The following SEMA3E variants were observed in gnomAD, a reference collection of about 807,000 sequenced individuals.
SEMA3E encodes the protein semaphorin 3E.
SEMA3E carries 49 observed loss-of-function variants against 93.6 expected under a neutral mutation model. That is an observed-to-expected ratio of 0.52 (90% CI 0.42 to 0.66). The LOEUF is 0.66. SEMA3E is among the 30% of genes least tolerant of loss of function. SEMA3E has a pLI of 0.00. For synonymous variants in SEMA3E, 363 were observed against 330.7 expected, an observed-to-expected ratio of 1.10 and a Z score of -1.06; for missense variants, 906 against 964.8, an observed-to-expected ratio of 0.94 and a Z score of 0.81.
chr7:83,614,993 TAC>T (rs1793334435), intron 1 of SEMA3E, among the ~76,000 whole-genome samples: 1 of 152,128 alleles, frequency 6.6e-6, no homozygotes, highest in African/African-American at 2.4e-5. Flanking sequence ...GTGTTATTAA[TAC>T]ACACTCACTG....
At chr7:83,454,131 T>G (rs1006381426) in intron 4 of SEMA3E, among the ~76,000 whole-genome samples, 6 of 150,380 alleles carry the variant, frequency 4.0e-5, no homozygotes, top group South Asian at 2.1e-4. Flanking sequence ...GGTGGCGGGC[T>G]CTTGTAGTCC....
chr7:83,579,641 C>T (rs1348167410), intron 1 of SEMA3E, among the ~76,000 whole-genome samples: 1 of 152,022 alleles, frequency 6.6e-6, no homozygotes, highest in Non-Finnish European at 1.5e-5. Context: ...ATGGCTTGTA[C>T]CAGGTCCCAG....
chr7:83,546,514 C>G (rs139029927), intron 1 of SEMA3E, among the ~76,000 whole-genome samples: 4 of 151,748 alleles, frequency 2.6e-5, no homozygotes, highest in Non-Finnish European at 4.4e-5. Context: ...AAAACATAAC[C>G]AGCATTTCCT....
rs1162966240 is a variant in SEMA3E, at chr7:83,407,191, T to C, written c.719A>G (p.Asp240Gly). ...SYMIPDNEDR[D>G]DNKVYFFFTE... ...AAAAAAGAAATATACTTTGTTGTCA[T>C]CTCTGTCTTCATTGTCAGGAATCAT... The change falls in exon 7 of 17, where the codon GAT becomes GGT. Residue 240 changes from aspartate (D) to glycine (G), a missense_variant. By Grantham distance (94) the Asp-to-Gly change is moderately conservative. Transcript: ENST00000643230. The C allele has an allele frequency of 6.2e-7, 1 of 1,613,512 alleles. No individual in the cohort carries two copies. Among genetic ancestry groups the C allele is most frequent in the Non-Finnish European group, 8.5e-7 (1 of 1,179,764 alleles).
intron 5 of SEMA3E, 135 bp from the exon 6 acceptor site, chr7:83,408,622 G>A (rs1346306790): frequency 2.9e-6 from 3 of 1,029,004 alleles, no homozygotes; most frequent in Non-Finnish European, 4.3e-6. Context: ...GAGCATGGAT[G>A]GTATAGTAAG....
intron 1 of SEMA3E, among the ~76,000 whole-genome samples, chr7:83,522,934 A>G (rs143525981): frequency 6.6e-6 from 1 of 152,176 alleles, no homozygotes; most frequent in African/African-American, 2.4e-5. Flanking sequence ...GCCCCTAAGC[A>G]CAATTCTCAG....
chr7:83,607,203 A>C lies in SEMA3E; in HGVS notation c.115+41225T>G, dbSNP rs1354343119. 2.6e-5 allele frequency among the ~76,000 whole-genome samples: 4 copies of C among 152,228 alleles called. No individual in the cohort carries two copies. The East Asian group carries it at 7.7e-4, about 29-fold the overall frequency. On this transcript the variant is annotated intron_variant, in intron 1 of 16. Coordinates refer to ENST00000643230, the MANE Select transcript of SEMA3E (RefSeq NM_012431.3). ...CATAACTTTTAAAAAGTACAGATTCAACCAGTCAGTTATTGTGTCCACATG... is the reference window on the plus strand; with the variant it reads ...CATAACTTTTAAAAAGTACAGATTCCACCAGTCAGTTATTGTGTCCACATG...
At chr7:83,602,780 A>T (rs1793025513) in intron 1 of SEMA3E, among the ~76,000 whole-genome samples, 1 of 152,094 alleles carries the variant, frequency 6.6e-6, no homozygotes, top group Admixed American at 6.6e-5. Context: ...CCAGCCTAGA[A>T]GCACTCTTAA....
rs1278996107 is a variant in SEMA3E at position 83,494,715 on chromosome 7, A to C, written c.116-4441T>G. 2.6e-5 allele frequency among the ~76,000 whole-genome samples: 4 copies of C among 151,940 alleles called. No homozygotes were observed. In the South Asian group the frequency reaches 8.3e-4, roughly 31 times the overall value. On this transcript the variant is annotated intron_variant, in intron 1 of 16. Coordinates refer to ENST00000643230, the MANE Select transcript of SEMA3E (RefSeq NM_012431.3). The stretch of plus-strand genomic sequence containing the variant: ...CACCGCTTCACTGTACTGATTCTAA[A>C]GGGCTTATTATTTAGTTTGTTCATG...
At chr7:83,510,259 T>C (rs1790790336) in intron 1 of SEMA3E, among the ~76,000 whole-genome samples, 1 of 152,190 alleles carries the variant, frequency 6.6e-6, no homozygotes, top group Non-Finnish European at 1.5e-5. Flanking sequence ...TAGACCCTTT[T>C]TATAGATAAT....
rs907914411 is a variant in SEMA3E, at chr7:83,366,275, A to C, written c.*1311T>G. On this transcript the variant is annotated 3_prime_UTR_variant, in exon 17 of 17. Transcript: ENST00000643230. ...AGGTGAAAACATCTTACAAAATTTC[A>C]TATTTTAGAAAGGTAATTGCTAAAT... 1 of 152,096 alleles carries C rather than the reference A, an allele frequency of 6.6e-6. No individual in the cohort carries two copies. Among genetic ancestry groups the C allele is most frequent in the South Asian group, 2.1e-4 (1 of 4,830 alleles). 9.4% of individuals were successfully genotyped at this position (152,096 alleles called of 1,614,324 possible). A position where few individuals can be genotyped will look rare whatever the true frequency, so the allele number is the denominator to read the frequency against.
At chr7:83,554,833 C>T (rs1226970951) in intron 1 of SEMA3E, among the ~76,000 whole-genome samples, 1 of 151,954 alleles carries the variant, frequency 6.6e-6, no homozygotes, top group Non-Finnish European at 1.5e-5. Context: ...AAAAATTAGC[C>T]TGGCGTGGTG....
chr7:83,532,422 G>A (rs757481159), intron 1 of SEMA3E, among the ~76,000 whole-genome samples: 2 of 152,182 alleles, frequency 1.3e-5, no homozygotes, highest in Non-Finnish European at 2.9e-5. Flanking sequence ...TTAGAGAGAA[G>A]CACTTAGTAG....
intron 4 of SEMA3E, among the ~76,000 whole-genome samples, chr7:83,436,251 G>T (rs535823334): frequency 6.6e-6 from 1 of 151,484 alleles, no homozygotes; most frequent in East Asian, 1.9e-4. Context: ...AAATCTAAAA[G>T]GTCAGGCATA....
chr7:83,563,144 A>G (rs1287945707), intron 1 of SEMA3E, among the ~76,000 whole-genome samples: 1 of 152,132 alleles, frequency 6.6e-6, no homozygotes, highest in East Asian at 1.9e-4. Flanking sequence ...CAGCCTGTGG[A>G]TTGAGTAAAC....
At chr7:83,491,629 G>GGTATA (rs1790386618) in intron 1 of SEMA3E, among the ~76,000 whole-genome samples, 1 of 151,762 alleles carries the variant, frequency 6.6e-6, no homozygotes, top group Non-Finnish European at 1.5e-5. Flanking sequence ...AGGAATAATA[G>GGTATA]GTATAACACA....
Position 83,387,217 on chromosome 7 carries a change from A to G in SEMA3E, c.1668-167T>C, listed in dbSNP as rs76877283. Among the ~76,000 whole-genome samples the G allele has an allele frequency of 5.9e-3, 899 of 152,264 alleles. 14 individuals are homozygous for G. Among genetic ancestry groups the G allele is most frequent in the African/African-American group, 0.021 (872 of 41,554 alleles). On this transcript the variant is annotated intron_variant, in intron 14 of 16. Coordinates refer to ENST00000643230, the MANE Select transcript of SEMA3E (RefSeq NM_012431.3). ...TTTCATAGTTTTTCATATTTCCATT[A>G]TATGTTCTTCAGTAGCTAAGATCTA...
chr7:83,577,349 T>A (rs1417788263), intron 1 of SEMA3E, among the ~76,000 whole-genome samples: 1 of 152,170 alleles, frequency 6.6e-6, no homozygotes, highest in East Asian at 1.9e-4. Flanking sequence ...ATGCTTTCAA[T>A]AATCATTACT....
chr7:83,576,166 G>T (rs1478641147), intron 1 of SEMA3E, among the ~76,000 whole-genome samples: 1 of 152,100 alleles, frequency 6.6e-6, no homozygotes, highest in Non-Finnish European at 1.5e-5. Flanking sequence ...CTCATAGCCG[G>T]CATCTTGTTA....
Sources: gnomAD v4.1 joint callset for allele counts (sites outside exome capture counted in the v4.1 genomes callset) on GRCh38, gnomAD v4.1.1 for gene constraint, MANE v1.5 for transcripts, NCBI Gene and HGNC (gene_info 2026-07-23, HGNC 2026-07-21) for gene names.